Variants in NCKAP5 observed in about 807,000 individuals in gnomAD.
NCKAP5 encodes NCK associated protein 5, also known as nck-associated protein 5.
NCKAP5 carries 92 observed loss-of-function variants against 167.0 expected under a neutral mutation model. The observed-to-expected ratio is 0.55, with a 90% confidence interval of 0.47 to 0.66. NCKAP5 has a LOEUF of 0.66. Among genes scored for constraint, NCKAP5 ranks in the 30% least tolerant of loss-of-function variants. The pLI is 0.00. For synonymous variants in NCKAP5, 891 were observed against 877.4 expected (o/e 1.02, Z -0.27); for missense variants, 2,378 against 2,315.0 (o/e 1.03, Z -0.56).
intron 3 of NCKAP5, among the ~76,000 whole-genome samples, chr2:133,477,607 TACC>T (rs1192610371): frequency 1.3e-5 from 2 of 152,206 alleles, no homozygotes; most frequent in African/African-American, 4.8e-5. Flanking sequence ...ATAAATTAGA[TACC>T]ACAAGAGATT....
At chr2:132,687,465 T>C (rs1365902828) in intron 19 of NCKAP5, among the ~76,000 whole-genome samples, 1 of 152,144 alleles carries the variant, frequency 6.6e-6, no homozygotes, top group Non-Finnish European at 1.5e-5. Context: ...TGTTTCCTCT[T>C]TGCTAGATTT....
chr2:133,134,498 T>C lies in NCKAP5; in HGVS notation c.208-4387A>G, dbSNP rs114531549. The stretch of plus-strand genomic sequence containing the variant: ...GTGCAGTAATTTTCAGTAACACACA[T>C]GTTATACCAGAGCTGACTGGACACC... On this transcript the variant is annotated intron_variant, in intron 5 of 19. Coordinates refer to ENST00000409261, the MANE Select transcript of NCKAP5 (RefSeq NM_207363.3). Among the ~76,000 whole-genome samples the C allele has an allele frequency of 6.1e-3, 930 of 152,310 alleles. 3 individuals are homozygous for C. Among genetic ancestry groups the C allele is most frequent in the African/African-American group, 0.021 (875 of 41,556 alleles).
chr2:133,291,095 G>C (rs1158274699), intron 4 of NCKAP5, among the ~76,000 whole-genome samples: 3 of 152,126 alleles, frequency 2.0e-5, no homozygotes, highest in Non-Finnish European at 4.4e-5. Context: ...AATGTGCTAA[G>C]TCACTTAGGA....
chr2:133,196,086 G>A (rs1315539548), intron 5 of NCKAP5, among the ~76,000 whole-genome samples: 5 of 152,080 alleles, frequency 3.3e-5, no homozygotes, highest in Admixed American at 1.3e-4. Flanking sequence ...ACCAGGTAAC[G>A]TTTTACAAAA....
chr2:133,354,445 A>G (rs1044926226), intron 3 of NCKAP5, among the ~76,000 whole-genome samples: 3 of 152,014 alleles, frequency 2.0e-5, no homozygotes, highest in South Asian at 4.1e-4. Flanking sequence ...ATTCTTGCCT[A>G]CAGGGTTCCC....
upstream of NCKAP5, among the ~76,000 whole-genome samples, chr2:133,571,166 A>G (rs193297330): frequency 4.2e-3 from 642 of 152,162 alleles, 9 homozygotes; most frequent in African/African-American, 0.015. Context: ...TCGTTTCAAG[A>G]AAAGGAAAGC....
At position 132,784,346 on chromosome 2, in the gene NCKAP5, G is replaced by A. The variant is rs1683353082; in HGVS notation, c.2465C>T (p.Thr822Ile). The A allele has an allele frequency of 6.2e-7, 1 of 1,613,902 alleles. No homozygotes were observed. The highest frequency in any genetic ancestry group is 1.3e-5 in the African/African-American group (1 of 74,942). The change falls in exon 14 of 20, where the codon ACC becomes ATC. Residue 822 changes from threonine (T) to isoleucine (I), a missense_variant. This residue lies in a region of NCKAP5 where 1,049 missense variants were observed against 1,023.4 expected (regional missense o/e 1.02). Coordinates refer to ENST00000409261, the MANE Select transcript of NCKAP5 (RefSeq NM_207363.3). ...QKSKLMEPEATTLLPSSGLVT... is the reference protein window; with the variant it reads ...QKSKLMEPEAITLLPSSGLVT... ...CAGGCCAGATGAAGGGAGTAGTGTG[G>A]TGGCTTCGGGCTCCATTAGTTTTGA...
intron 6 of NCKAP5, among the ~76,000 whole-genome samples, chr2:133,086,378 C>T (rs570368530): frequency 5.9e-5 from 9 of 152,190 alleles, no homozygotes; most frequent in African/African-American, 1.7e-4. Flanking sequence ...TGACTCACAC[C>T]GGTAATCTCC....
intron 13 of NCKAP5, among the ~76,000 whole-genome samples, chr2:132,787,221 G>T (rs1164115304): frequency 6.6e-6 from 1 of 152,030 alleles, no homozygotes; most frequent in Non-Finnish European, 1.5e-5. Context: ...GTTGGCGGGT[G>T]CCTGTAATCC....
chr2:133,029,672 C>T (rs1018092776), intron 6 of NCKAP5, among the ~76,000 whole-genome samples: 5 of 152,102 alleles, frequency 3.3e-5, no homozygotes, highest in African/African-American at 1.2e-4. Flanking sequence ...CAAGGGATTT[C>T]CCAGTCCCCT....
intron 6 of NCKAP5, among the ~76,000 whole-genome samples, chr2:133,012,581 C>T (rs930642858): frequency 1.3e-5 from 2 of 152,072 alleles, no homozygotes; most frequent in Non-Finnish European, 2.9e-5. Flanking sequence ...CCTTCAATGG[C>T]TTTTTCTGCA....
At chr2:132,797,200 G>A (rs1225146929) in intron 11 of NCKAP5, among the ~76,000 whole-genome samples, 1 of 152,090 alleles carries the variant, frequency 6.6e-6, no homozygotes, top group Admixed American at 6.5e-5. Context: ...TCTTCCCTTG[G>A]ACACGTTTTA....
intron 2 of NCKAP5, among the ~76,000 whole-genome samples, chr2:133,532,925 T>C (rs1225415352): frequency 2.0e-5 from 3 of 152,202 alleles, no homozygotes; most frequent in African/African-American, 4.8e-5. Flanking sequence ...CCAAAATACT[T>C]GCAGGTTCAT....
intron 5 of NCKAP5, among the ~76,000 whole-genome samples, chr2:133,162,630 C>G (rs2083840401): frequency 6.6e-6 from 1 of 152,138 alleles, no homozygotes; most frequent in Non-Finnish European, 1.5e-5. Flanking sequence ...ATTCTATAAT[C>G]CATTTTTACT....
intron 3 of NCKAP5, among the ~76,000 whole-genome samples, chr2:133,426,778 G>GA (rs1689836288): frequency 6.6e-6 from 1 of 152,166 alleles, no homozygotes; most frequent in Non-Finnish European, 1.5e-5. Flanking sequence ...ACTAATGTAA[G>GA]ATGTTAATAA....
the NCKAP5 span, among the ~76,000 whole-genome samples, chr2:133,647,539 G>A: frequency 1.6e-4 from 12 of 75,668 alleles, no homozygotes; most frequent in African/African-American, 6.1e-4. Flanking sequence ...AAGGAAAGGA[G>A]GGAGGGAGGG....
At chr2:132,779,507 T>C (rs559848006) in intron 15 of NCKAP5, among the ~76,000 whole-genome samples, 27 of 151,870 alleles carry the variant, frequency 1.8e-4, no homozygotes, top group African/African-American at 6.3e-4. Flanking sequence ...TAGATATGCT[T>C]ACAATTTGTG....
the NCKAP5 span, among the ~76,000 whole-genome samples, chr2:133,583,110 C>A: frequency 0.19 from 27,190 of 146,388 alleles, 2,516 homozygotes; most frequent in East Asian, 0.3. Context: ...AATAAATAGA[C>A]CAGAGATGAT....
At chr2:132,735,014 T>A (rs901606613) in intron 16 of NCKAP5, among the ~76,000 whole-genome samples, 5 of 152,226 alleles carry the variant, frequency 3.3e-5, no homozygotes, top group African/African-American at 9.6e-5. Flanking sequence ...GGGCTCCCCA[T>A]TCTGTGGCTG....
Sources: allele counts gnomAD v4.1 joint callset (sites outside exome capture counted in the v4.1 genomes callset), GRCh38; gene constraint gnomAD v4.1.1; regional missense constraint gnomAD v4.1.1; transcripts MANE v1.5; gene names NCBI Gene and HGNC (gene_info 2026-07-23, HGNC 2026-07-21).